DLG2: variants seen among roughly 807,000 people sequenced by gnomAD.
DLG2 encodes the protein discs large MAGUK scaffold protein 2.
A neutral mutation model predicts 132.5 loss-of-function variants in DLG2; 45 were observed. The observed-to-expected ratio is 0.34, with a 90% CI of 0.27 to 0.44. The LOEUF (loss-of-function observed/expected upper bound fraction) is 0.44. Ranked by LOEUF, DLG2 falls within the 20% of genes least tolerant of loss-of-function variation. DLG2 has a pLI of 1.00. For synonymous variants in DLG2, 424 were observed against 419.6 expected (o/e 1.01, Z -0.13); for missense variants, 1,045 against 1,196.9 (o/e 0.87, Z 1.87).
chr11:85,468,146 C>T (rs573090586), intron 3 of DLG2, among the ~76,000 whole-genome samples: 11 of 152,020 alleles, frequency 7.2e-5, no homozygotes, highest in Admixed American at 2.0e-4. Flanking sequence ...TCTGTGGGAT[C>T]GATGGTGATA....
chr11:84,367,937 A>T (rs1600766313), intron 7 of DLG2, among the ~76,000 whole-genome samples: 1 of 152,178 alleles, frequency 6.6e-6, no homozygotes, highest in East Asian at 1.9e-4. Flanking sequence ...AGCTTTGATC[A>T]GAGCCCGTAA....
At chr11:84,042,364 A>G (rs1436872077) in intron 11 of DLG2, among the ~76,000 whole-genome samples, 1 of 151,642 alleles carries the variant, frequency 6.6e-6, no homozygotes, top group Non-Finnish European at 1.5e-5. Flanking sequence ...GATCTCTCTC[A>G]TTATTGTTCT....
At chr11:85,412,286 A>C (rs1328878473) in intron 3 of DLG2, among the ~76,000 whole-genome samples, 1 of 151,806 alleles carries the variant, frequency 6.6e-6, no homozygotes, top group African/African-American at 2.4e-5. Flanking sequence ...CAGGTAGCTG[A>C]CCACAGACCA....
intron 4 of DLG2, among the ~76,000 whole-genome samples, chr11:85,281,501 A>T (rs2078219013): frequency 6.6e-6 from 1 of 152,118 alleles, no homozygotes; most frequent in South Asian, 2.1e-4. Context: ...GGCAAAAGTA[A>T]AATATTTCTA....
chr11:84,479,394 C>T (rs1456956081), intron 7 of DLG2, among the ~76,000 whole-genome samples: 1 of 152,020 alleles, frequency 6.6e-6, no homozygotes, highest in African/African-American at 2.4e-5. Context: ...TTCTTCTTTC[C>T]TTTATTCCAT....
chr11:84,677,236 C>A (rs1319245426), intron 6 of DLG2, among the ~76,000 whole-genome samples: 1 of 151,988 alleles, frequency 6.6e-6, no homozygotes, highest in Non-Finnish European at 1.5e-5. Flanking sequence ...TGATTCGTAT[C>A]AGTCATTCCG....
chr11:84,795,638 A>G (rs2153948217), intron 6 of DLG2, among the ~76,000 whole-genome samples: 1 of 152,276 alleles, frequency 6.6e-6, no homozygotes, highest in Middle Eastern at 3.4e-3. Flanking sequence ...TGTAACACAA[A>G]CAGGGCTGAA....
rs140863082 is a variant in DLG2 at position 85,217,923 on chromosome 11, T to G, written c.187-63272A>C. Among the ~76,000 whole-genome samples the G allele has an allele frequency of 6.2e-3, 945 of 152,318 alleles. 2 individuals are homozygous for G. The highest frequency in any genetic ancestry group is 0.011 in the Non-Finnish European group (764 of 68,024). ...TCTTACTTTTTTTTGAAGGCTTACA[T>G]TTGAATATTTTATTCCCTTTGGATT... On this transcript the variant is annotated intron_variant, in intron 4 of 27. Transcript: ENST00000376104.
At chr11:84,527,380 T>C (rs1172357167) in intron 7 of DLG2, among the ~76,000 whole-genome samples, 4 of 152,194 alleles carry the variant, frequency 2.6e-5, no homozygotes, top group Non-Finnish European at 5.9e-5. Context: ...CCTTTGTCTA[T>C]AGTTTTTTTA....
intron 3 of DLG2, among the ~76,000 whole-genome samples, chr11:85,321,454 C>T (rs552783493): frequency 6.6e-6 from 1 of 151,956 alleles, no homozygotes; most frequent in East Asian, 1.9e-4. Flanking sequence ...GCATTTAAGT[C>T]ACAAAACTGA....
intron 4 of DLG2, among the ~76,000 whole-genome samples, chr11:85,192,271 T>C (rs2080651003): frequency 6.6e-6 from 1 of 152,238 alleles, no homozygotes; most frequent in Admixed American, 6.5e-5. Context: ...TTGAGTTCAG[T>C]ACATACTAAC....
At chr11:85,567,088 T>A (rs2077570481) in intron 3 of DLG2, among the ~76,000 whole-genome samples, 1 of 152,210 alleles carries the variant, frequency 6.6e-6, no homozygotes. Flanking sequence ...TGTAATAACT[T>A]TTGAAATTGG....
chr11:84,002,677 G>T (rs574360762), intron 11 of DLG2, among the ~76,000 whole-genome samples: 1 of 152,058 alleles, frequency 6.6e-6, no homozygotes, highest in African/African-American at 2.4e-5. Context: ...CAAGGCCCTC[G>T]TCCTTGCCCA....
At chr11:83,962,085 GA>G (rs2088955012) in intron 14 of DLG2, among the ~76,000 whole-genome samples, 1 of 151,990 alleles carries the variant, frequency 6.6e-6, no homozygotes, top group African/African-American at 2.4e-5. Flanking sequence ...GCTGACAAAT[GA>G]CTTCAGTTAG....
At chr11:84,516,335 CTAAG>C (rs1283062176) in intron 7 of DLG2, among the ~76,000 whole-genome samples, 1 of 150,966 alleles carries the variant, frequency 6.6e-6, no homozygotes, top group Non-Finnish European at 1.5e-5. Flanking sequence ...TTTAGCTAGA[CTAAG>C]TATAATAAAA....
At chr11:85,375,061 C>CA (rs2152922726) in intron 3 of DLG2, among the ~76,000 whole-genome samples, 1 of 150,574 alleles carries the variant, frequency 6.6e-6, no homozygotes, top group East Asian at 1.9e-4. Context: ...CTTTTCATTT[C>CA]TTTTTTTTTC....
chr11:83,994,020 T>C (rs2093877519), intron 11 of DLG2, among the ~76,000 whole-genome samples: 1 of 152,124 alleles, frequency 6.6e-6, no homozygotes, highest in Non-Finnish European at 1.5e-5. Flanking sequence ...TTCAGTAACA[T>C]CTCCTCTGAA....
At chr11:84,126,213 G>A (rs2094164480) in intron 9 of DLG2, among the ~76,000 whole-genome samples, 1 of 152,132 alleles carries the variant, frequency 6.6e-6, no homozygotes, top group Non-Finnish European at 1.5e-5. Context: ...GCCACGAAGG[G>A]TCAGGAGAAT....
chr11:84,154,849 T>G lies in DLG2; in HGVS notation c.624+8612A>C, dbSNP rs140255752. Among the ~76,000 whole-genome samples the G allele has an allele frequency of 5.4e-4, 83 of 152,312 alleles. No homozygotes were observed. The East Asian group carries it at 0.013, about 24-fold the overall frequency. On this transcript the variant is annotated intron_variant, in intron 9 of 27. Coordinates refer to ENST00000376104, the MANE Select transcript of DLG2 (RefSeq NM_001142699.3). ...GAACTCATCCTTTTTGATGGCTGCA[T>G]AGTATTCCATGGTGTATATGTGCCA...
Sources: allele counts gnomAD v4.1 joint callset (sites outside exome capture counted in the v4.1 genomes callset), GRCh38; gene constraint gnomAD v4.1.1; transcripts MANE v1.5; gene names NCBI Gene and HGNC (gene_info 2026-07-23, HGNC 2026-07-21).